CELF4: variants seen among roughly 807,000 people sequenced by gnomAD.
CELF4 encodes the protein CUG-BP- and ETR-3-like factor 4.
In CELF4, 18 loss-of-function variants were observed where a neutral mutation model predicts 59.9. That is an observed-to-expected ratio of 0.30 (90% CI 0.21 to 0.45). The LOEUF (loss-of-function observed/expected upper bound fraction) is 0.45. Ranked by LOEUF, CELF4 falls within the 20% of genes least tolerant of loss-of-function variation. CELF4 has a pLI of 1.00. For missense variants in CELF4, 456 were observed against 689.0 expected, an observed-to-expected ratio of 0.66 and a Z score of 3.79; for synonymous variants, 261 against 267.1, an observed-to-expected ratio of 0.98 and a Z score of 0.22.
At chr18:37,353,604 A>C (rs1466636776) in intron 2 of CELF4, among the ~76,000 whole-genome samples, 1 of 125,162 alleles carries the variant, frequency 8.0e-6, no homozygotes, top group Non-Finnish European at 1.6e-5. Context: ...ATTCCATGAC[A>C]GTGATGCTTT....
chr18:37,449,747 G>C (rs1024008764), intron 2 of CELF4, among the ~76,000 whole-genome samples: 1 of 152,220 alleles, frequency 6.6e-6, no homozygotes, highest in Non-Finnish European at 1.5e-5. Context: ...GTGAGAGAGT[G>C]AGCCAAGTGA....
intron 2 of CELF4, among the ~76,000 whole-genome samples, chr18:37,353,048 T>A (rs11874020): frequency 5.3e-5 from 8 of 151,450 alleles, no homozygotes; most frequent in East Asian, 3.9e-4. Flanking sequence ...GGTGAAACCC[T>A]GTCTCTACTA....
At chr18:37,502,618 G>A (rs2099933105) in intron 1 of CELF4, among the ~76,000 whole-genome samples, 2 of 152,110 alleles carry the variant, frequency 1.3e-5, no homozygotes, top group Non-Finnish European at 2.9e-5. Flanking sequence ...TGCACTGCTG[G>A]GCACCATTGG....
intron 8 of CELF4, among the ~76,000 whole-genome samples, chr18:37,270,495 C>T (rs193244131): frequency 1.3e-5 from 2 of 152,368 alleles, no homozygotes; most frequent in African/African-American, 4.8e-5. Flanking sequence ...CAACTGCACC[C>T]AGTCTCCTTT....
intron 3 of CELF4, chr18:37,276,188 C>CA (rs2093217858): frequency 6.6e-6 from 1 of 152,194 alleles, no homozygotes; most frequent in Non-Finnish European, 1.5e-5. Context: ...GGATGAGTAT[C>CA]AGGTGCTTTG....
chr18:37,422,114 C>T (rs2099581862), intron 2 of CELF4, among the ~76,000 whole-genome samples: 1 of 152,192 alleles, frequency 6.6e-6, no homozygotes, highest in South Asian at 2.1e-4. Context: ...AGTGAGGAAA[C>T]TGAATGTGGT....
intron 2 of CELF4, among the ~76,000 whole-genome samples, chr18:37,459,466 C>G (rs1447800049): frequency 6.6e-6 from 1 of 152,208 alleles, no homozygotes; most frequent in African/African-American, 2.4e-5. Context: ...TCCATCTACT[C>G]ACTCTCTTCT....
intron 2 of CELF4, among the ~76,000 whole-genome samples, chr18:37,432,109 G>A (rs1402713414): frequency 2.0e-5 from 3 of 152,216 alleles, no homozygotes; most frequent in African/African-American, 7.2e-5. Context: ...GGTCCCACCT[G>A]GTCCTCTCTT....
chr18:37,448,356 C>T (rs1250629598), intron 2 of CELF4, among the ~76,000 whole-genome samples: 4 of 152,240 alleles, frequency 2.6e-5, no homozygotes, highest in Non-Finnish European at 5.9e-5. Context: ...CTACCAGTCA[C>T]CAGTCCTCTG....
At chr18:37,256,692 C>T (rs985211618) in intron 11 of CELF4, among the ~76,000 whole-genome samples, 2 of 152,042 alleles carry the variant, frequency 1.3e-5, no homozygotes, top group Admixed American at 1.3e-4. Context: ...TCAAGCAGTT[C>T]TCCTGCCTCT....
intron 2 of CELF4, among the ~76,000 whole-genome samples, chr18:37,477,777 G>A (rs536352826): frequency 2.0e-5 from 3 of 152,250 alleles, no homozygotes; most frequent in African/African-American, 2.4e-5. Context: ...ATTTTTGTCC[G>A]ATGCCAGACA....
At chr18:37,401,186 T>C (rs1456098173) in intron 2 of CELF4, among the ~76,000 whole-genome samples, 1 of 152,144 alleles carries the variant, frequency 6.6e-6, no homozygotes, top group Admixed American at 6.5e-5. Context: ...TGGTTGTAGG[T>C]AGGTCTTCTT....
intron 8 of CELF4, among the ~76,000 whole-genome samples, chr18:37,267,301 G>A (rs1411902074): frequency 6.6e-6 from 1 of 152,216 alleles, no homozygotes; most frequent in African/African-American, 2.4e-5. Context: ...CCTGCCCAGT[G>A]GGAAGAGAGG....
chr18:37,311,037 C>T (rs1483468189), intron 3 of CELF4, among the ~76,000 whole-genome samples: 2 of 152,096 alleles, frequency 1.3e-5, no homozygotes, highest in Admixed American at 6.6e-5. Context: ...TCCAGAAGCC[C>T]ATTTGCTATG....
chr18:37,254,076 G>T lies in CELF4; in HGVS notation c.1334-138C>A. ...CGGGCCCCGCCCCCGGCCCCGCCCC[G>T]GTGCCCGCCCCTCTCCAGCCCGCGC... is the stretch of plus-strand genomic sequence containing the variant. On this transcript the variant is annotated intron_variant, in intron 11 of 12. Coordinates refer to ENST00000420428, the MANE Select transcript of CELF4 (RefSeq NM_020180.4). The surrounding 1 kb of genome is among the most constrained non-coding windows in gnomAD (Gnocchi z 5.1). 1.9e-6 allele frequency: 1 copy of T among 540,296 alleles called. No individual in the cohort carries two copies. Among genetic ancestry groups the T allele is most frequent in the Non-Finnish European group, 2.6e-6 (1 of 383,634 alleles). The allele number at this position is 540,296 out of a possible 1,614,324, so 33.5% of individuals were successfully genotyped here.
chr18:37,435,011 G>A (rs2099685720), intron 2 of CELF4, among the ~76,000 whole-genome samples: 1 of 152,108 alleles, frequency 6.6e-6, no homozygotes. Flanking sequence ...ACAGGAGGGG[G>A]GGATCCAGGG....
chr18:37,495,888 C>G (rs1398737563), intron 1 of CELF4, among the ~76,000 whole-genome samples: 16 of 152,116 alleles, frequency 1.1e-4, no homozygotes, highest in African/African-American at 2.9e-4. Flanking sequence ...ATGGGCTTCT[C>G]TGACTCTTAT....
intron 1 of CELF4, among the ~76,000 whole-genome samples, chr18:37,564,871 G>T (rs1159182870): frequency 6.6e-6 from 1 of 151,918 alleles, no homozygotes; most frequent in Non-Finnish European, 1.5e-5. Flanking sequence ...CTCCCTTTTA[G>T]ACGGCTGCGC....
chr18:37,545,385 G>T (rs1555636789), intron 1 of CELF4, among the ~76,000 whole-genome samples: 1 of 152,204 alleles, frequency 6.6e-6, no homozygotes, highest in Non-Finnish European at 1.5e-5. Context: ...GGCCAGGCTT[G>T]GGGATGGCCT....
Sources: allele counts gnomAD v4.1 joint callset (sites outside exome capture counted in the v4.1 genomes callset), GRCh38; gene constraint gnomAD v4.1.1; non-coding constraint Gnocchi (gnomAD v3.1); transcripts MANE v1.5; gene names NCBI Gene and HGNC (gene_info 2026-07-23, HGNC 2026-07-21).